The following CNTN5 variants were observed in gnomAD, a reference collection of about 807,000 sequenced individuals.
The protein encoded by CNTN5 is contactin-5.
A neutral mutation model predicts 129.1 loss-of-function variants in CNTN5; 77 were observed. The observed-to-expected ratio is 0.60, with a 90% CI of 0.50 to 0.72. The LOEUF is 0.72. Among genes scored for constraint, CNTN5 ranks in the 30% least tolerant of loss-of-function variants. The pLI is 0.00. For synonymous variants in CNTN5, 509 were observed against 465.6 expected (o/e 1.09, Z -1.20); for missense variants, 1,478 against 1,328.8 (o/e 1.11, Z -1.75).
At chr11:99,459,608 A>T (rs566928314) in intron 2 of CNTN5, among the ~76,000 whole-genome samples, 5 of 152,036 alleles carry the variant, frequency 3.3e-5, no homozygotes, top group Admixed American at 2.0e-4. Flanking sequence ...GCATGAAATG[A>T]TATGAACTCA....
intron 8 of CNTN5, among the ~76,000 whole-genome samples, chr11:99,999,558 G>A (rs1939712897): frequency 6.6e-6 from 1 of 152,204 alleles, no homozygotes; most frequent in Non-Finnish European, 1.5e-5. Context: ...CACTCTTAGT[G>A]GGACTGTAAA....
intron 8 of CNTN5, among the ~76,000 whole-genome samples, chr11:99,986,091 C>A (rs1938656773): frequency 6.6e-6 from 1 of 152,088 alleles, no homozygotes; most frequent in Non-Finnish European, 1.5e-5. Context: ...CCCCTTCAGA[C>A]CTCTCATTCC....
At chr11:99,271,820 A>G (rs1197273513) in intron 1 of CNTN5, among the ~76,000 whole-genome samples, 1 of 151,840 alleles carries the variant, frequency 6.6e-6, no homozygotes. Flanking sequence ...AGTGCTTAGT[A>G]GCTGCCTTGC....
chr11:99,382,735 T>A (rs1940647778), intron 2 of CNTN5, among the ~76,000 whole-genome samples: 1 of 151,702 alleles, frequency 6.6e-6, no homozygotes, highest in Non-Finnish European at 1.5e-5. Context: ...AATGTTTTCT[T>A]ATGGGAGGAG....
intron 6 of CNTN5, among the ~76,000 whole-genome samples, chr11:99,897,591 A>G (rs1949240887): frequency 6.6e-6 from 1 of 152,192 alleles, no homozygotes; most frequent in Non-Finnish European, 1.5e-5. Flanking sequence ...CAGACAAGCA[A>G]TTACTGAGAC....
intron 9 of CNTN5, among the ~76,000 whole-genome samples, chr11:100,054,428 C>T (rs1444284169): frequency 6.6e-6 from 1 of 151,798 alleles, no homozygotes; most frequent in Non-Finnish European, 1.5e-5. Context: ...TTTTCCTGAG[C>T]TCATGTCTTT....
chr11:100,212,405 A>G (rs2138590296), intron 15 of CNTN5, among the ~76,000 whole-genome samples: 1 of 152,280 alleles, frequency 6.6e-6, no homozygotes, highest in South Asian at 2.1e-4. Context: ...TTGTATATCA[A>G]CAATTTCCTT....
At chr11:99,484,054 T>C (rs1945709414) in intron 2 of CNTN5, among the ~76,000 whole-genome samples, 1 of 151,764 alleles carries the variant, frequency 6.6e-6, no homozygotes, top group Non-Finnish European at 1.5e-5. Context: ...AATAAACAAA[T>C]GGGACTATAT....
chr11:99,599,685 A>G (rs1001964544), intron 3 of CNTN5, among the ~76,000 whole-genome samples: 9 of 152,118 alleles, frequency 5.9e-5, no homozygotes, highest in African/African-American at 2.2e-4. Flanking sequence ...CTTTGTGCAA[A>G]TGTTCCTCAA....
At chr11:99,352,584 A>T (rs1938373858) in intron 2 of CNTN5, among the ~76,000 whole-genome samples, 1 of 152,208 alleles carries the variant, frequency 6.6e-6, no homozygotes, top group South Asian at 2.1e-4. Context: ...CAATAAAAAC[A>T]ATAAGAAAAT....
intron 13 of CNTN5, among the ~76,000 whole-genome samples, chr11:100,153,577 C>G (rs1947136595): frequency 6.6e-6 from 1 of 151,946 alleles, no homozygotes; most frequent in African/African-American, 2.4e-5. Context: ...ATTATAAAAG[C>G]AAAATGAATT....
At chr11:99,711,662 T>C (rs1190444812) in intron 3 of CNTN5, among the ~76,000 whole-genome samples, 2 of 151,856 alleles carry the variant, frequency 1.3e-5, no homozygotes, top group Non-Finnish European at 2.9e-5. Context: ...TGCTGGTGTG[T>C]GATGTCCCCT....
At chr11:100,148,499 C>CAAAA (rs145325835) in intron 13 of CNTN5, among the ~76,000 whole-genome samples, 2,267 of 152,150 alleles carry the variant, frequency 0.015, 30 homozygotes, top group Admixed American at 0.021. Flanking sequence ...ACTCACTGTT[C>CAAAA]AAAATACACT....
In CNTN5 at chr11:99,248,023, T is replaced by A. The variant is rs1565435730; in HGVS notation, c.-209-77323T>A. ...AATGGTATTTCCAGTTCTAGATCCC[T>A]GAGGAATCGCCACACTGACTACCAC... On this transcript the variant is annotated intron_variant, in intron 1 of 24. Transcript: ENST00000524871. 3.9e-5 allele frequency among the ~76,000 whole-genome samples: 6 copies of A among 152,334 alleles called. No individual in the cohort carries two copies. In the South Asian group the frequency reaches 1.2e-3, roughly 32 times the overall value.
At chr11:99,098,188 T>A (rs185503131) in intron 1 of CNTN5, among the ~76,000 whole-genome samples, 1 of 152,216 alleles carries the variant, frequency 6.6e-6, no homozygotes, top group East Asian at 1.9e-4. Context: ...CTCAAAGAGT[T>A]GGACTTTTTG....
intron 1 of CNTN5, among the ~76,000 whole-genome samples, chr11:99,163,021 C>T (rs1367124009): frequency 6.6e-6 from 1 of 152,198 alleles, no homozygotes; most frequent in Non-Finnish European, 1.5e-5. Flanking sequence ...TCTCTTTTCA[C>T]AACCGAAGTT....
intron 3 of CNTN5, among the ~76,000 whole-genome samples, chr11:99,681,639 A>G (rs1953559910): frequency 6.6e-6 from 1 of 152,096 alleles, no homozygotes; most frequent in African/African-American, 2.4e-5. Flanking sequence ...CTGGATGCCA[A>G]AAAATTTTTG....
At chr11:99,141,154 G>A (rs909894902) in intron 1 of CNTN5, among the ~76,000 whole-genome samples, 1 of 152,002 alleles carries the variant, frequency 6.6e-6, no homozygotes, top group Admixed American at 6.5e-5. Flanking sequence ...TTTTTTTTAT[G>A]ATTAATTCAG....
chr11:99,441,116 G>T (rs1322978490), intron 2 of CNTN5, among the ~76,000 whole-genome samples: 1 of 152,044 alleles, frequency 6.6e-6, no homozygotes, highest in African/African-American at 2.4e-5. Context: ...CACCCCACCT[G>T]GAAATACTTT....
Sources: allele counts gnomAD v4.1 joint callset (sites outside exome capture counted in the v4.1 genomes callset), GRCh38; gene constraint gnomAD v4.1.1; transcripts MANE v1.5; gene names NCBI Gene and HGNC (gene_info 2026-07-23, HGNC 2026-07-21).